The following AP3B1 variants were observed in gnomAD, a reference collection of about 807,000 sequenced individuals.
AP3B1 encodes AP-3 complex subunit beta-1.
In AP3B1, 61 loss-of-function variants were observed where a neutral mutation model predicts 132.5. The observed-to-expected ratio is 0.46, with a 90% CI of 0.37 to 0.57. AP3B1 has a LOEUF of 0.57. AP3B1 is among the 20% of genes least tolerant of loss of function. AP3B1 has a pLI of 0.00. For missense variants in AP3B1, 1,120 were observed against 1,289.4 expected (o/e 0.87, Z 2.01); for synonymous variants, 388 against 438.3 (o/e 0.89, Z 1.43).
intron 11 of AP3B1, among the ~76,000 whole-genome samples, chr5:78,171,724 C>T (rs12654615): frequency 0.041 from 6,194 of 152,178 alleles, 190 homozygotes; most frequent in East Asian, 0.13. Context: ...ATTGAATACC[C>T]GTTATTTCTT....
intron 22 of AP3B1, among the ~76,000 whole-genome samples, chr5:78,048,214 C>T (rs1191301412): frequency 6.6e-6 from 1 of 152,180 alleles, no homozygotes; most frequent in Non-Finnish European, 1.5e-5. Flanking sequence ...CAGAAATGTT[C>T]TGATAGCCGA....
At chr5:78,036,906 C>T (rs370369073) in intron 23 of AP3B1, among the ~76,000 whole-genome samples, 1 of 152,082 alleles carries the variant, frequency 6.6e-6, no homozygotes, top group Non-Finnish European at 1.5e-5. Flanking sequence ...TTCCTTAACC[C>T]TACAATCTAT....
In AP3B1 at chr5:78,039,181, G is replaced by A. The variant is rs780503803; in HGVS notation, c.2671C>T (p.Gln891Ter). 6.2e-7 allele frequency: 1 copy of A among 1,614,084 alleles called. No individual in the cohort carries two copies. Among genetic ancestry groups the A allele is most frequent in the South Asian group, 1.1e-5 (1 of 91,078 alleles). The stretch of plus-strand genomic sequence containing the variant: ...ATCTTATCACCAAAAATGCAAGGCT[G>A]TCTTGGAAAGAAATAATGGGCAGCT... ...GLAAHYFFPR[Q>*]PCIFGDKMVS... The change falls in exon 23 of 27, where the codon CAG (glutamine) becomes TAG (stop). Residue 891 changes from glutamine to a stop codon, truncating the protein, a stop_gained. Coordinates refer to ENST00000255194, the MANE Select transcript of AP3B1 (RefSeq NM_003664.5). LOFTEE classifies it high-confidence loss of function.
chr5:78,254,907 A>G (rs1454690774), intron 2 of AP3B1, among the ~76,000 whole-genome samples: 2 of 152,182 alleles, frequency 1.3e-5, no homozygotes, highest in African/African-American at 2.4e-5. Context: ...ACATGGTACA[A>G]TAAGATATAA....
intron 22 of AP3B1, among the ~76,000 whole-genome samples, chr5:78,059,425 A>G (rs1347811331): frequency 2.0e-5 from 3 of 152,230 alleles, no homozygotes; most frequent in Non-Finnish European, 4.4e-5. Flanking sequence ...TAATAAAGGT[A>G]ACTGCGGTGC....
At chr5:78,093,426 G>A (rs978602322) in intron 21 of AP3B1, among the ~76,000 whole-genome samples, 1 of 152,220 alleles carries the variant, frequency 6.6e-6, no homozygotes, top group African/African-American at 2.4e-5. Context: ...CAATTTGGAA[G>A]GGGGGATTTG....
intron 7 of AP3B1, among the ~76,000 whole-genome samples, chr5:78,209,158 C>G (rs1387113582): frequency 6.6e-6 from 1 of 152,024 alleles, no homozygotes; most frequent in Non-Finnish European, 1.5e-5. Flanking sequence ...GGGACCCCTT[C>G]TCACGACCAA....
chr5:78,096,699 C>A (rs1451558318), intron 21 of AP3B1, among the ~76,000 whole-genome samples: 1 of 151,622 alleles, frequency 6.6e-6, no homozygotes, highest in Admixed American at 6.5e-5. Flanking sequence ...TCTGCCCAGC[C>A]GCCCCATCTG....
In AP3B1 at chr5:78,101,025, C is replaced by T; in HGVS notation, c.2398G>A (p.Glu800Lys). ...SESESRRVTK[E>K]KEKKTKQDRT... The stretch of plus-strand genomic sequence containing the variant: ...TCTTGCTTTGTTTTCTTTTCTTTCT[C>T]CTATAAAATAACAAATATTTCATTT... The change falls in exon 21 of 27, where the codon GAG becomes AAG. Residue 800 changes from glutamate to lysine, a missense_variant and splice_region_variant. Coordinates refer to ENST00000255194, the MANE Select transcript of AP3B1 (RefSeq NM_003664.5). 6.7e-7 allele frequency: 1 copy of T among 1,482,178 alleles called. No homozygotes were observed. The highest frequency in any genetic ancestry group is 9.4e-7 in the Non-Finnish European group (1 of 1,068,916). 91.8% of individuals were successfully genotyped at this position (1,482,178 alleles called of 1,614,324 possible).
chr5:78,267,745 A>C lies in AP3B1; in HGVS notation c.129-150T>G, dbSNP rs533834900. The C allele has an allele frequency of 1.7e-5, 9 of 518,862 alleles. No individual in the cohort carries two copies. In the South Asian group the frequency reaches 2.3e-4, roughly 13 times the overall value. The allele number at this position is 518,862 out of a possible 1,614,324, so 32.1% of individuals were successfully genotyped here. A position where few individuals can be genotyped will look rare whatever the true frequency, so the allele number is the denominator to read the frequency against. On this transcript the variant is annotated intron_variant, in intron 1 of 26. Coordinates refer to ENST00000255194, the MANE Select transcript of AP3B1 (RefSeq NM_003664.5). ...GTGGCCATCTGCAGGCCAGAGAGAA[A>C]GGCCTCAGCAGAAACCAAACCCGCC...
chr5:78,081,548 C>T (rs958944181), intron 22 of AP3B1, among the ~76,000 whole-genome samples: 1 of 152,050 alleles, frequency 6.6e-6, no homozygotes, highest in Non-Finnish European at 1.5e-5. Context: ...CCGCCCGCCT[C>T]GGCCTTCCAA....
intron 7 of AP3B1, among the ~76,000 whole-genome samples, chr5:78,193,570 T>G (rs1744928550): frequency 6.6e-6 from 1 of 150,924 alleles, no homozygotes; most frequent in South Asian, 2.1e-4. Flanking sequence ...TAATATTCCC[T>G]CCATTTGTAT....
chr5:78,033,548 T>A (rs1484531688), intron 24 of AP3B1, among the ~76,000 whole-genome samples: 1 of 152,048 alleles, frequency 6.6e-6, no homozygotes, highest in Non-Finnish European at 1.5e-5. Context: ...CATAACAAAT[T>A]CTGTTCTAAG....
Position 78,002,607 on chromosome 5 carries a change from A to G in AP3B1, c.*295T>C. 2 of 574,724 alleles carry G rather than the reference A, an allele frequency of 3.5e-6. No individual in the cohort carries two copies. Among genetic ancestry groups the G allele is most frequent in the Non-Finnish European group, 6.2e-6 (2 of 324,772 alleles). 35.6% of individuals were successfully genotyped at this position (574,724 alleles called of 1,614,324 possible). A position where few individuals can be genotyped will look rare whatever the true frequency, so the allele number is the denominator to read the frequency against. On this transcript the variant is annotated 3_prime_UTR_variant, in exon 27 of 27. Coordinates refer to ENST00000255194, the MANE Select transcript of AP3B1 (RefSeq NM_003664.5). ...ATGTCTACCATTGTCGAAAAAGAGA[A>G]GGAAAACGAGGAGGCCAAAAGAAGC...
intron 25 of AP3B1, among the ~76,000 whole-genome samples, chr5:78,016,697 G>T (rs976475541): frequency 5.3e-5 from 8 of 152,030 alleles, no homozygotes; most frequent in Admixed American, 2.6e-4. Context: ...ATTGTGAAAA[G>T]ACTTTTGCCG....
intron 26 of AP3B1, among the ~76,000 whole-genome samples, chr5:78,007,435 C>CT (rs34485900): frequency 0.012 from 1,703 of 146,968 alleles, 22 homozygotes; most frequent in South Asian, 0.019. Flanking sequence ...CAGGCTAAAA[C>CT]TTTTTTTTTT....
intron 14 of AP3B1, among the ~76,000 whole-genome samples, chr5:78,142,758 G>A (rs1753208580): frequency 1.3e-5 from 2 of 152,108 alleles, no homozygotes; most frequent in Admixed American, 1.3e-4. Flanking sequence ...TATTTAGCAT[G>A]TTTGGTGAGA....
At chr5:78,015,697 A>C in intron 25 of AP3B1, 149 bp from the exon 26 acceptor site, 3 of 750,228 alleles carry the variant, frequency 4.0e-6, no homozygotes, top group Non-Finnish European at 6.4e-6. Context: ...TATAAAACTA[A>C]AACAAAATGC....
intron 22 of AP3B1, chr5:78,042,565 T>C (rs935315284): frequency 1.7e-5 from 3 of 180,966 alleles, no homozygotes; most frequent in Non-Finnish European, 2.4e-5. Flanking sequence ...TAAGGCCTCA[T>C]TGAATTTCTT....
Sources: gnomAD v4.1 joint callset for allele counts (sites outside exome capture counted in the v4.1 genomes callset) on GRCh38, gnomAD v4.1.1 for gene constraint, MANE v1.5 for transcripts, NCBI Gene and HGNC (gene_info 2026-07-23, HGNC 2026-07-21) for gene names.